C1orf21: variants seen among roughly 807,000 people sequenced by gnomAD.
C1orf21 encodes the protein uncharacterized protein C1orf21.
C1orf21 carries 3 observed loss-of-function variants against 18.7 expected under a neutral mutation model. The ratio of observed to expected loss-of-function variants is 0.16; its 90% CI spans 0.07 to 0.42. The LOEUF (loss-of-function observed/expected upper bound fraction) is 0.42, where lower values mean the gene tolerates loss of function less well. C1orf21 is among the 10% of genes least tolerant of loss of function. The probability of loss-of-function intolerance (pLI) is 0.99; values close to 1 mark genes in which losing one functional copy is unlikely to be tolerated. For missense variants in C1orf21, 104 were observed against 143.6 expected, an observed-to-expected ratio of 0.72 and a Z score of 1.41; for synonymous variants, 41 against 46.4, an observed-to-expected ratio of 0.88 and a Z score of 0.47.
intron 1 of C1orf21, among the ~76,000 whole-genome samples, chr1:184,401,261 C>CGTTG (rs1656147645): frequency 6.6e-6 from 1 of 152,004 alleles, no homozygotes; most frequent in Non-Finnish European, 1.5e-5. Context: ...ACTGTCGTTG[C>CGTTG]CCAGGCTGGA....
At chr1:184,613,535 T>C (rs888616963) in intron 5 of C1orf21, among the ~76,000 whole-genome samples, 1 of 152,218 alleles carries the variant, frequency 6.6e-6, no homozygotes, top group Non-Finnish European at 1.5e-5. Context: ...TTATCAGTTG[T>C]GTTGTTTAAA....
chr1:184,430,973 T>G (rs1234093869), intron 1 of C1orf21, among the ~76,000 whole-genome samples: 1 of 152,214 alleles, frequency 6.6e-6, no homozygotes, highest in African/African-American at 2.4e-5. Flanking sequence ...GAGCAGTGGT[T>G]TGTAGTTCTC....
chr1:184,406,919 A>G (rs1656257869), intron 1 of C1orf21, among the ~76,000 whole-genome samples: 1 of 152,126 alleles, frequency 6.6e-6, no homozygotes, highest in Non-Finnish European at 1.5e-5. Flanking sequence ...TCGGCCTACC[A>G]AAATGATGGG....
chr1:184,424,212 T>A (rs139659444), intron 1 of C1orf21, among the ~76,000 whole-genome samples: 1 of 152,328 alleles, frequency 6.6e-6, no homozygotes, highest in African/African-American at 2.4e-5. Flanking sequence ...GTCTTCTCTG[T>A]GGAAAATCCA....
At chr1:184,510,268 G>A (rs921429822) in intron 3 of C1orf21, among the ~76,000 whole-genome samples, 4 of 152,140 alleles carry the variant, frequency 2.6e-5, no homozygotes, top group South Asian at 2.1e-4. Flanking sequence ...GTATATTTTC[G>A]CTCAGTTCAA....
chr1:184,523,461 A>T (rs1021381709), intron 3 of C1orf21, among the ~76,000 whole-genome samples: 1 of 152,222 alleles, frequency 6.6e-6, no homozygotes, highest in South Asian at 2.1e-4. Context: ...TATCAAGGTC[A>T]TCAGAAACAA....
At chr1:184,434,228 T>C (rs989514522) in intron 1 of C1orf21, among the ~76,000 whole-genome samples, 2 of 152,122 alleles carry the variant, frequency 1.3e-5, no homozygotes, top group Non-Finnish European at 2.9e-5. Context: ...AGTATGAGTG[T>C]GGCTAAGGCT....
At chr1:184,501,296 C>G (rs912958542) in intron 2 of C1orf21, among the ~76,000 whole-genome samples, 1 of 152,120 alleles carries the variant, frequency 6.6e-6, no homozygotes, top group Non-Finnish European at 1.5e-5. Flanking sequence ...TGGAATTCTT[C>G]ATGTCTGCCA....
chr1:184,440,305 C>G (rs900497270), intron 1 of C1orf21, among the ~76,000 whole-genome samples: 1 of 152,168 alleles, frequency 6.6e-6, no homozygotes, highest in Non-Finnish European at 1.5e-5. Flanking sequence ...TGCAGTGGCA[C>G]AATCTCGGTT....
chr1:184,412,342 TC>T (rs1656368580), intron 1 of C1orf21: 2 of 152,334 alleles, frequency 1.3e-5, no homozygotes, highest in Admixed American at 6.5e-5. Context: ...CTTGGGAATG[TC>T]CTCCCAGGTG....
At chr1:184,523,230 T>C (rs1472077391) in intron 3 of C1orf21, among the ~76,000 whole-genome samples, 1 of 152,130 alleles carries the variant, frequency 6.6e-6, no homozygotes, top group East Asian at 1.9e-4. Context: ...ATGAGAACTT[T>C]ACAGTGGAGA....
intron 5 of C1orf21, among the ~76,000 whole-genome samples, chr1:184,612,703 G>C (rs1212092488): frequency 3.3e-5 from 5 of 152,084 alleles, no homozygotes; most frequent in African/African-American, 7.2e-5. Context: ...AAAGCCCACT[G>C]AACATTATGG....
intron 2 of C1orf21, among the ~76,000 whole-genome samples, chr1:184,495,697 G>A (rs1657883343): frequency 6.6e-6 from 1 of 151,926 alleles, no homozygotes; most frequent in Non-Finnish European, 1.5e-5. Context: ...CAAGGCGGGT[G>A]GATCGTGAGG....
intron 2 of C1orf21, among the ~76,000 whole-genome samples, chr1:184,490,958 A>T (rs1040651443): frequency 2.6e-5 from 4 of 152,146 alleles, no homozygotes; most frequent in Non-Finnish European, 5.9e-5. Flanking sequence ...ATAACTATGT[A>T]GGTGGTGACA....
intron 2 of C1orf21, among the ~76,000 whole-genome samples, chr1:184,507,193 G>T (rs191481981): frequency 6.6e-5 from 10 of 152,148 alleles, no homozygotes; most frequent in African/African-American, 2.4e-4. Context: ...AGGCATTTTG[G>T]ACTAATACTC....
In C1orf21 at chr1:184,624,147, C is replaced by T. The variant is rs79755161; in HGVS notation, c.*4591C>T. ...ATGTCATTCAAGTATTTTTCAAATT[C>T]TTTTTATTATGACTATGCCCTTCGC... is the stretch of plus-strand genomic sequence containing the variant. On this transcript the variant is annotated 3_prime_UTR_variant, in exon 6 of 6. Transcript: ENST00000235307. 6.6e-6 allele frequency: 1 copy of T among 152,576 alleles called. No individual in the cohort carries two copies. The highest frequency in any genetic ancestry group is 6.5e-5 in the Admixed American group (1 of 15,284). The allele number at this position is 152,576 out of a possible 1,614,324, so 9.5% of individuals were successfully genotyped here. A position where few individuals can be genotyped will look rare whatever the true frequency, so the allele number is the denominator to read the frequency against.
chr1:184,586,784 T>TAA (rs1369822452), intron 3 of C1orf21, among the ~76,000 whole-genome samples: 1 of 152,232 alleles, frequency 6.6e-6, no homozygotes, highest in East Asian at 1.9e-4. Context: ...CTCTTTAGTT[T>TAA]AATTAAATCC....
At chr1:184,617,861 C>T (rs1659852174) in intron 5 of C1orf21, among the ~76,000 whole-genome samples, 1 of 150,958 alleles carries the variant, frequency 6.6e-6, no homozygotes, top group Admixed American at 6.6e-5. Flanking sequence ...CCACCTGCTT[C>T]CACAGGCCTG....
chr1:184,454,054 A>G (rs1401023438), intron 1 of C1orf21, among the ~76,000 whole-genome samples: 1 of 152,226 alleles, frequency 6.6e-6, no homozygotes, highest in Non-Finnish European at 1.5e-5. Context: ...CATCAGATCC[A>G]TGAGGAAAAC....
Sources: gnomAD v4.1 joint callset for allele counts (sites outside exome capture counted in the v4.1 genomes callset) on GRCh38, gnomAD v4.1.1 for gene constraint, MANE v1.5 for transcripts, NCBI Gene and HGNC (gene_info 2026-07-23, HGNC 2026-07-21) for gene names.